The following ERC2 variants were observed in gnomAD, a reference collection of about 807,000 sequenced individuals.
ERC2 encodes ELKS/RAB6-interacting/CAST family member 2.
ERC2 carries 42 observed loss-of-function variants against 114.8 expected under a neutral mutation model. That is an observed-to-expected ratio of 0.37 (90% CI 0.29 to 0.47). The LOEUF is 0.47. ERC2 is among the 20% of genes least tolerant of loss of function. ERC2 has a pLI of 0.99. For synonymous variants in ERC2, 454 were observed against 425.5 expected (o/e 1.07, Z -0.82); for missense variants, 939 against 1,150.7 (o/e 0.82, Z 2.66).
chr3:55,822,138 T>C (rs1172473150), intron 14 of ERC2, among the ~76,000 whole-genome samples: 1 of 152,212 alleles, frequency 6.6e-6, no homozygotes, highest in Non-Finnish European at 1.5e-5. Context: ...TATTGGCTTA[T>C]TAAAGCCTTG....
chr3:55,688,709 A>G (rs2148793689), intron 16 of ERC2, among the ~76,000 whole-genome samples: 1 of 152,306 alleles, frequency 6.6e-6, no homozygotes. Flanking sequence ...GCACCCCAAC[A>G]CATTTTAAGA....
At chr3:55,805,662 C>A (rs960516285) in intron 14 of ERC2, among the ~76,000 whole-genome samples, 1 of 134,254 alleles carries the variant, frequency 7.4e-6, no homozygotes, top group Admixed American at 7.2e-5. Flanking sequence ...GAAATTATTG[C>A]TTATTCACAA....
intron 14 of ERC2, among the ~76,000 whole-genome samples, chr3:55,789,320 A>G (rs931226566): frequency 6.6e-6 from 1 of 152,210 alleles, no homozygotes; most frequent in Non-Finnish European, 1.5e-5. Context: ...AGGGAAGCTG[A>G]GAGTCTTCTA....
intron 3 of ERC2, among the ~76,000 whole-genome samples, chr3:56,247,640 G>A (rs964911205): frequency 1.3e-5 from 2 of 152,308 alleles, no homozygotes; most frequent in Non-Finnish European, 2.9e-5. Flanking sequence ...CAAGAATAAA[G>A]TGGTGGGTGG....
chr3:55,980,052 C>G (rs1365200191), intron 12 of ERC2, among the ~76,000 whole-genome samples: 1 of 129,542 alleles, frequency 7.7e-6, no homozygotes, highest in Non-Finnish European at 1.6e-5. Context: ...AACTAAAGTT[C>G]TTATGCAAAA....
chr3:56,171,843 C>CCT (rs2082685703), intron 4 of ERC2, among the ~76,000 whole-genome samples: 1 of 139,224 alleles, frequency 7.2e-6, no homozygotes, highest in African/African-American at 2.6e-5. Flanking sequence ...GAAACTCGCT[C>CCT]TTTTTTTTTT....
At chr3:55,553,871 T>C (rs1489970337) in intron 17 of ERC2, among the ~76,000 whole-genome samples, 4 of 152,090 alleles carry the variant, frequency 2.6e-5, no homozygotes, top group South Asian at 2.1e-4. Context: ...GAAAAGCCAA[T>C]TGGAAACAAT....
intron 7 of ERC2, among the ~76,000 whole-genome samples, chr3:56,021,556 T>C (rs1424118700): frequency 6.6e-6 from 1 of 151,640 alleles, no homozygotes; most frequent in Non-Finnish European, 1.5e-5. Flanking sequence ...TATTTATTTA[T>C]TTTTTTAATG....
chr3:55,556,992 A>T (rs2055658753), intron 17 of ERC2, among the ~76,000 whole-genome samples: 1 of 152,200 alleles, frequency 6.6e-6, no homozygotes, highest in Non-Finnish European at 1.5e-5. Context: ...GATACCAGAC[A>T]CACACATAGA....
intron 14 of ERC2, among the ~76,000 whole-genome samples, chr3:55,840,620 T>C (rs901803669): frequency 6.6e-6 from 1 of 152,034 alleles, no homozygotes; most frequent in African/African-American, 2.4e-5. Context: ...CAGTTATTCC[T>C]CTCTCAGGTA....
chr3:55,942,627 T>G (rs1430962009), intron 13 of ERC2, among the ~76,000 whole-genome samples: 1 of 152,074 alleles, frequency 6.6e-6, no homozygotes, highest in Non-Finnish European at 1.5e-5. Flanking sequence ...AAGAAAAACT[T>G]ATGATTGCTC....
chr3:55,530,688 C>T (rs898129090), intron 17 of ERC2, among the ~76,000 whole-genome samples: 2 of 152,190 alleles, frequency 1.3e-5, no homozygotes, highest in African/African-American at 2.4e-5. Context: ...ATGCGTTAGG[C>T]TGGGGCCTCA....
intron 14 of ERC2, among the ~76,000 whole-genome samples, chr3:55,821,080 A>G (rs922504082): frequency 2.6e-5 from 4 of 152,178 alleles, no homozygotes; most frequent in Non-Finnish European, 5.9e-5. Context: ...GGTAAAAAAA[A>G]GAAACCTTCA....
At chr3:55,760,155 C>A (rs1481502299) in intron 14 of ERC2, among the ~76,000 whole-genome samples, 1 of 152,156 alleles carries the variant, frequency 6.6e-6, no homozygotes, top group African/African-American at 2.4e-5. Flanking sequence ...ACATTGACAT[C>A]AAAGAACCTG....
In ERC2 at chr3:55,700,790, G is replaced by A. The variant is rs982651138; in HGVS notation, c.2713-1278C>T. On this transcript the variant is annotated intron_variant, in intron 15 of 17. Transcript: ENST00000288221. ...TGGCTCTATAACCACAGATTTATCC[G>A]TCCGTATGTCTGTAGACCTTGAAGC... Among the ~76,000 whole-genome samples the A allele has an allele frequency of 4.6e-5, 7 of 152,164 alleles. No homozygotes were observed. In the East Asian group the frequency reaches 7.7e-4, roughly 17 times the overall value.
At chr3:56,276,851 C>T (rs913342646) in intron 3 of ERC2, among the ~76,000 whole-genome samples, 40 of 152,192 alleles carry the variant, frequency 2.6e-4, no homozygotes, top group African/African-American at 9.6e-4. Context: ...CACATACACA[C>T]ACACAAAATC....
At chr3:55,966,540 C>T (rs1483889793) in intron 12 of ERC2, among the ~76,000 whole-genome samples, 1 of 152,156 alleles carries the variant, frequency 6.6e-6, no homozygotes, top group Non-Finnish European at 1.5e-5. Context: ...ATTTAATCCT[C>T]ACGACAATCT....
intron 13 of ERC2, among the ~76,000 whole-genome samples, chr3:55,893,516 C>A (rs950412744): frequency 1.3e-5 from 2 of 152,108 alleles, no homozygotes; most frequent in African/African-American, 4.8e-5. Flanking sequence ...TTGAGGATGA[C>A]CAAAAGCCAA....
intron 10 of ERC2, chr3:56,003,229 G>A (rs527623679): frequency 9.7e-6 from 8 of 828,156 alleles, no homozygotes; most frequent in South Asian, 5.0e-5. Context: ...CCATGCATTC[G>A]CACAGACGAG....
Sources: gnomAD v4.1 joint callset for allele counts (sites outside exome capture counted in the v4.1 genomes callset) on GRCh38, gnomAD v4.1.1 for gene constraint, MANE v1.5 for transcripts, NCBI Gene and HGNC (gene_info 2026-07-23, HGNC 2026-07-21) for gene names.